The following TENM3 variants were observed in gnomAD, a reference collection of about 807,000 sequenced individuals.
The protein encoded by TENM3 is teneurin-3.
A neutral mutation model predicts 255.1 loss-of-function variants in TENM3; 63 were observed. The observed-to-expected ratio is 0.25, with a 90% CI of 0.20 to 0.30. TENM3 has a LOEUF of 0.30. Among genes scored for constraint, TENM3 ranks in the 10% least tolerant of loss-of-function variants. The pLI is 1.00. For synonymous variants in TENM3, 1,306 were observed against 1,322.3 expected (o/e 0.99, Z 0.27); for missense variants, 2,929 against 3,461.1 (o/e 0.85, Z 3.86).
intron 13 of TENM3, among the ~76,000 whole-genome samples, chr4:182,725,937 T>G (rs1333247866): frequency 6.6e-6 from 1 of 152,152 alleles, no homozygotes; most frequent in Non-Finnish European, 1.5e-5. Context: ...CGCGCCCGGC[T>G]TAATTTTCTT....
the TENM3 span, among the ~76,000 whole-genome samples, chr4:181,721,121 G>A: frequency 6.6e-6 from 1 of 151,932 alleles, no homozygotes; most frequent in Non-Finnish European, 1.5e-5. Context: ...AAAAAAAAAG[G>A]GTCATTCCGG....
intron 1 of TENM3, among the ~76,000 whole-genome samples, chr4:182,218,473 C>T (rs1044287662): frequency 2.0e-5 from 3 of 152,104 alleles, no homozygotes; most frequent in African/African-American, 7.2e-5. Flanking sequence ...TGCCTGATGA[C>T]CCTGGTGAGT....
the TENM3 span, among the ~76,000 whole-genome samples, chr4:181,575,174 A>T: frequency 6.6e-6 from 1 of 152,114 alleles, no homozygotes; most frequent in Non-Finnish European, 1.5e-5. Flanking sequence ...GTAGCTATTG[A>T]TATAATATTT....
intron 1 of TENM3, among the ~76,000 whole-genome samples, chr4:182,248,872 T>G (rs1452072884): frequency 2.0e-5 from 3 of 152,206 alleles, no homozygotes; most frequent in Non-Finnish European, 4.4e-5. Flanking sequence ...GAGCACTTTA[T>G]AGTTTACAGA....
intron 3 of TENM3, among the ~76,000 whole-genome samples, chr4:182,524,406 G>C (rs1213795324): frequency 8.3e-6 from 1 of 120,500 alleles, no homozygotes; most frequent in Non-Finnish European, 1.6e-5. Context: ...CTGTCACCCA[G>C]GCCAGAGTGC....
At chr4:182,433,841 C>T (rs750300178) in intron 3 of TENM3, among the ~76,000 whole-genome samples, 12 of 151,990 alleles carry the variant, frequency 7.9e-5, no homozygotes, top group East Asian at 3.9e-4. Flanking sequence ...GGCTGGGTGG[C>T]GTGATGGCTC....
intron 4 of TENM3, among the ~76,000 whole-genome samples, chr4:182,621,717 A>ATATTATAATATAATATG (rs1750227453): frequency 9.9e-6 from 1 of 101,366 alleles, no homozygotes; most frequent in African/African-American, 4.1e-5. Context: ...TATATAATAT[A>ATATTATAATATAATATG]TATTATATAT....
chr4:182,450,634 A>T (rs10019971), intron 3 of TENM3, among the ~76,000 whole-genome samples: 1 of 152,044 alleles, frequency 6.6e-6, no homozygotes, highest in Non-Finnish European at 1.5e-5. Context: ...AACTCACAAA[A>T]ATATGAATGC....
At chr4:181,684,144 C>T in the TENM3 span, among the ~76,000 whole-genome samples, 2 of 152,144 alleles carry the variant, frequency 1.3e-5, no homozygotes, top group East Asian at 3.9e-4. Flanking sequence ...AGGTTGACAC[C>T]TCCAGGTGCT....
the TENM3 span, among the ~76,000 whole-genome samples, chr4:182,018,311 C>A: frequency 2.0e-5 from 3 of 152,028 alleles, no homozygotes; most frequent in Non-Finnish European, 1.5e-5. Context: ...GTCTCACAAG[C>A]GTGTGGGATT....
chr4:181,602,475 T>C, the TENM3 span, among the ~76,000 whole-genome samples: 1 of 152,208 alleles, frequency 6.6e-6, no homozygotes, highest in Admixed American at 6.5e-5. Context: ...AAGATTTTTT[T>C]TGAGTCATTA....
At chr4:181,993,842 T>C in the TENM3 span, among the ~76,000 whole-genome samples, 1 of 152,146 alleles carries the variant, frequency 6.6e-6, no homozygotes, top group Non-Finnish European at 1.5e-5. Context: ...TTAAGAATGC[T>C]GCCCGTTGGT....
intron 3 of TENM3, among the ~76,000 whole-genome samples, chr4:182,420,295 A>G (rs1176594744): frequency 6.6e-6 from 1 of 152,160 alleles, no homozygotes; most frequent in Non-Finnish European, 1.5e-5. Flanking sequence ...TGGCCATGAA[A>G]TGAATTAATA....
the TENM3 span, among the ~76,000 whole-genome samples, chr4:181,474,922 C>T: frequency 1.3e-5 from 2 of 152,124 alleles, no homozygotes; most frequent in South Asian, 4.2e-4. Flanking sequence ...ACAGCCTTGG[C>T]CACTGAAGAG....
intron 22 of TENM3, among the ~76,000 whole-genome samples, chr4:182,759,570 ATCT>A (rs1364281958): frequency 1.3e-5 from 2 of 152,238 alleles, no homozygotes; most frequent in African/African-American, 4.8e-5. Context: ...TCCTCAGTTG[ATCT>A]TCTTATTCCA....
At chr4:181,581,136 A>G in the TENM3 span, among the ~76,000 whole-genome samples, 1 of 152,068 alleles carries the variant, frequency 6.6e-6, no homozygotes, top group Non-Finnish European at 1.5e-5. Context: ...AGGAGCTATC[A>G]GTGAGGGGAA....
the TENM3 span, among the ~76,000 whole-genome samples, chr4:181,878,108 A>G: frequency 1.3e-5 from 2 of 152,186 alleles, no homozygotes; most frequent in African/African-American, 4.8e-5. Flanking sequence ...GGAAGGATCC[A>G]CCCATTCTAG....
chr4:182,644,042 C>T (rs917509639), intron 5 of TENM3, among the ~76,000 whole-genome samples: 10 of 152,178 alleles, frequency 6.6e-5, no homozygotes, highest in South Asian at 2.1e-4. Context: ...CCTCCCAGCA[C>T]GCTACTCTGT....
At chr4:181,733,086 T>C in the TENM3 span, among the ~76,000 whole-genome samples, 1 of 152,100 alleles carries the variant, frequency 6.6e-6, no homozygotes, top group Non-Finnish European at 1.5e-5. Context: ...CAGATGAAGG[T>C]TGGGAGTTGC....
Sources: allele counts gnomAD v4.1 joint callset (sites outside exome capture counted in the v4.1 genomes callset), GRCh38; gene constraint gnomAD v4.1.1; transcripts MANE v1.5; gene names NCBI Gene and HGNC (gene_info 2026-07-23, HGNC 2026-07-21).